Variants in ZFHX3 observed in about 807,000 individuals in gnomAD.
ZFHX3 encodes zinc finger homeobox protein 3.
In ZFHX3, 42 loss-of-function variants were observed where a neutral mutation model predicts 279.1. The ratio of observed to expected loss-of-function variants is 0.15; its 90% confidence interval spans 0.12 to 0.19. The LOEUF (loss-of-function observed/expected upper bound fraction) is 0.19. ZFHX3 is among the 10% of genes least tolerant of loss of function. The pLI is 1.00. For synonymous variants in ZFHX3, 2,293 were observed against 1,957.8 expected (o/e 1.17, Z -4.52); for missense variants, 4,981 against 4,754.0 (o/e 1.05, Z -1.40).
intron 4 of ZFHX3, among the ~76,000 whole-genome samples, chr16:72,830,731 G>A (rs1018985855): frequency 1.3e-5 from 2 of 152,180 alleles, no homozygotes; most frequent in Non-Finnish European, 2.9e-5. Context: ...GGGAAAGAAG[G>A]GGAGACACTT....
intron 2 of ZFHX3, chr16:73,486,727 C>G (rs767844095): frequency 2.2e-6 from 1 of 452,146 alleles, no homozygotes; most frequent in Non-Finnish European, 4.4e-6. Context: ...TCTAGGGTCT[C>G]TCTTGCTCAT....
At chr16:73,884,649 G>C (rs2030288755) in intron 1 of ZFHX3, among the ~76,000 whole-genome samples, 1 of 152,162 alleles carries the variant, frequency 6.6e-6, no homozygotes, top group Non-Finnish European at 1.5e-5. Context: ...GGCTTTCAGA[G>C]TCTTTATTCG....
chr16:73,588,717 A>C (rs2051955099), intron 2 of ZFHX3, among the ~76,000 whole-genome samples: 1 of 151,442 alleles, frequency 6.6e-6, no homozygotes, highest in South Asian at 2.1e-4. Flanking sequence ...CAAAAAAAAA[A>C]AAAACAAGAA....
chr16:73,748,587 A>T (rs577333171), intron 1 of ZFHX3, among the ~76,000 whole-genome samples: 2 of 152,122 alleles, frequency 1.3e-5, no homozygotes, highest in Non-Finnish European at 2.9e-5. Flanking sequence ...ATTCTTCCCA[A>T]CGTCTCTACC....
intron 7 of ZFHX3, among the ~76,000 whole-genome samples, chr16:73,109,706 G>C (rs573499320): frequency 3.9e-5 from 6 of 152,182 alleles, no homozygotes; most frequent in African/African-American, 1.4e-4. Context: ...AAAATTAGCT[G>C]AGTATGGTGG....
intron 3 of ZFHX3, among the ~76,000 whole-genome samples, chr16:73,348,664 C>G (rs1487413114): frequency 6.6e-6 from 1 of 152,188 alleles, no homozygotes; most frequent in Non-Finnish European, 1.5e-5. Context: ...CACACAAGCC[C>G]AATTGGCACA....
chr16:73,493,464 G>A (rs2019087076), intron 2 of ZFHX3, among the ~76,000 whole-genome samples: 1 of 152,120 alleles, frequency 6.6e-6, no homozygotes, highest in African/African-American at 2.4e-5. Flanking sequence ...CTATCCCCAA[G>A]CTGACTGGAG....
At chr16:73,029,022 ATCT>A (rs928051389) in intron 1 of ZFHX3, among the ~76,000 whole-genome samples, 19 of 152,080 alleles carry the variant, frequency 1.2e-4, no homozygotes, top group African/African-American at 4.6e-4. Context: ...CTTGTCTAAC[ATCT>A]TCTTCACTCA....
intron 2 of ZFHX3, among the ~76,000 whole-genome samples, chr16:73,591,468 T>C (rs1201949256): frequency 6.7e-6 from 1 of 149,918 alleles, no homozygotes; most frequent in Non-Finnish European, 1.5e-5. Flanking sequence ...CCAAGACGGG[T>C]AGATCACGAA....
chr16:73,445,378 G>T (rs148710636), intron 3 of ZFHX3, among the ~76,000 whole-genome samples: 484 of 151,706 alleles, frequency 3.2e-3, no homozygotes, highest in African/African-American at 0.011. Context: ...GACCAAAATA[G>T]CACCCCTTCA....
chr16:73,704,129 A>G (rs1261332681), intron 1 of ZFHX3, among the ~76,000 whole-genome samples: 1 of 152,168 alleles, frequency 6.6e-6, no homozygotes, highest in Non-Finnish European at 1.5e-5. Context: ...ATGGCCGTAA[A>G]CAGAAATTAT....
At chr16:73,093,546 G>T in exon 8 of ZFHX3, 1 of 510,964 alleles carries the variant, frequency 2.0e-6, no homozygotes, top group Non-Finnish European at 3.9e-6. Context: ...ACACAAGCCT[G>T]GAGCCCAGCC....
intron 8 of ZFHX3, among the ~76,000 whole-genome samples, chr16:73,082,265 G>T (rs1168298237): frequency 6.6e-6 from 1 of 151,796 alleles, no homozygotes. Context: ...TTGAATGAAT[G>T]AATTTTTTTT....
At chr16:73,875,774 C>G (rs1353932613) in intron 1 of ZFHX3, among the ~76,000 whole-genome samples, 1 of 152,132 alleles carries the variant, frequency 6.6e-6, no homozygotes, top group Non-Finnish European at 1.5e-5. Flanking sequence ...ATCTGATAGC[C>G]AGATACATAT....
chr16:72,832,305 G>A (rs532505004), intron 4 of ZFHX3, among the ~76,000 whole-genome samples: 3 of 152,100 alleles, frequency 2.0e-5, no homozygotes, highest in Admixed American at 6.5e-5. Flanking sequence ...GCAGATCATT[G>A]ATGCATCAAG....
intron 1 of ZFHX3, among the ~76,000 whole-genome samples, chr16:73,824,377 ATTTCT>A (rs1414349887): frequency 1.0e-5 from 1 of 97,982 alleles, no homozygotes; most frequent in African/African-American, 4.3e-5. Flanking sequence ...TTTCCAAATA[ATTTCT>A]TTTTTTTTTT....
At chr16:73,393,944 T>C (rs2017074002) in intron 3 of ZFHX3, among the ~76,000 whole-genome samples, 1 of 148,090 alleles carries the variant, frequency 6.8e-6, no homozygotes, top group Non-Finnish European at 1.5e-5. Context: ...ATATATAAAA[T>C]ATGTATTATA....
chr16:73,522,586 C>T (rs996811497), intron 2 of ZFHX3, among the ~76,000 whole-genome samples: 5 of 152,032 alleles, frequency 3.3e-5, no homozygotes, highest in Non-Finnish European at 7.4e-5. Flanking sequence ...CAGACCATGT[C>T]CAATCCCAGA....
chr16:73,553,372 G>T (rs1231094568), intron 2 of ZFHX3, among the ~76,000 whole-genome samples: 1 of 152,088 alleles, frequency 6.6e-6, no homozygotes, highest in Non-Finnish European at 1.5e-5. Flanking sequence ...AGCATCACAT[G>T]AGATAAAAAT....
Sources: allele counts gnomAD v4.1 joint callset (sites outside exome capture counted in the v4.1 genomes callset), GRCh38; gene constraint gnomAD v4.1.1; transcripts MANE v1.5; gene names NCBI Gene and HGNC (gene_info 2026-07-23, HGNC 2026-07-21).